WDR59: variants seen among roughly 807,000 people sequenced by gnomAD.
WDR59 encodes WD repeat domain 59.
Under a neutral mutation model 131.2 loss-of-function variants are expected in WDR59, and 100 were observed. The observed-to-expected ratio is 0.76, with a 90% confidence interval of 0.65 to 0.90. The LOEUF is 0.90. Among genes scored for constraint, WDR59 ranks in the 40% least tolerant of loss-of-function variants. The pLI, the probability that WDR59 is intolerant of heterozygous loss-of-function variation, is 0.00. For synonymous variants in WDR59, 601 were observed against 466.2 expected, an observed-to-expected ratio of 1.29 and a Z score of -3.72; for missense variants, 1,203 against 1,262.2, an observed-to-expected ratio of 0.95 and a Z score of 0.71.
chr16:74,935,569 A>C (rs1307089036), intron 8 of WDR59, among the ~76,000 whole-genome samples: 2 of 151,980 alleles, frequency 1.3e-5, no homozygotes, highest in Non-Finnish European at 2.9e-5. Flanking sequence ...AAAATAATTA[A>C]TATAAATTAT....
intron 18 of WDR59, among the ~76,000 whole-genome samples, chr16:74,895,412 A>G (rs987667314): frequency 6.6e-6 from 1 of 151,972 alleles, no homozygotes; most frequent in Non-Finnish European, 1.5e-5. Flanking sequence ...ACAGGCATGC[A>G]CCATCATACT....
At chr16:74,908,797 A>T in intron 17 of WDR59, 111 bp downstream of exon 17, 1 of 732,708 alleles carries the variant, frequency 1.4e-6, no homozygotes, top group Non-Finnish European at 2.3e-6. Context: ...ATGGGAGTTT[A>T]CTGAAGAACT....
chr16:74,941,732 A>C (rs1597761260), intron 7 of WDR59, among the ~76,000 whole-genome samples: 1 of 151,296 alleles, frequency 6.6e-6, no homozygotes, highest in South Asian at 2.1e-4. Context: ...CCCAACCTCT[A>C]TGAAATCACC....
At position 74,985,088 on chromosome 16, in the gene WDR59, G is replaced by A. The variant is rs1810131627; in HGVS notation, c.-71C>T. The A allele has an allele frequency of 7.0e-7, 1 of 1,421,010 alleles. No individual in the cohort carries two copies. Among genetic ancestry groups the A allele is most frequent in the Non-Finnish European group, 9.6e-7 (1 of 1,037,290 alleles). 88.0% of individuals were successfully genotyped at this position (1,421,010 alleles called of 1,614,324 possible). ...CCGCCGTCCCCAGTATCCCGGGACC[G>A]TGCGCCCCACACAGCCAGAGAATCA... On this transcript the variant is annotated 5_prime_UTR_variant, in exon 1 of 26. It adds an upstream start codon to the 5' untranslated region. Coordinates refer to ENST00000262144, the MANE Select transcript of WDR59 (RefSeq NM_030581.4).
chr16:74,960,138 T>C (rs974552101), intron 2 of WDR59, among the ~76,000 whole-genome samples: 25 of 151,524 alleles, frequency 1.6e-4, no homozygotes, highest in African/African-American at 6.0e-4. Flanking sequence ...GAGACCAGCC[T>C]GGGCAAAACG....
chr16:74,953,056 C>A (rs1176022654), intron 3 of WDR59, among the ~76,000 whole-genome samples: 1 of 152,122 alleles, frequency 6.6e-6, no homozygotes, highest in African/African-American at 2.4e-5. Flanking sequence ...CAGCGGGTAT[C>A]ATCACCCACA....
chr16:74,913,801 C>A (rs1279932307), intron 13 of WDR59, among the ~76,000 whole-genome samples: 1 of 152,142 alleles, frequency 6.6e-6, no homozygotes, highest in Non-Finnish European at 1.5e-5. Flanking sequence ...AGTGACTGCT[C>A]ATGGGTATGG....
At chr16:74,899,984 A>G (rs1361141511) in intron 18 of WDR59, among the ~76,000 whole-genome samples, 1 of 152,042 alleles carries the variant, frequency 6.6e-6, no homozygotes, top group Non-Finnish European at 1.5e-5. Context: ...CACAGCTTCA[A>G]TTTCATTGTT....
At chr16:74,982,429 C>A (rs180692240) in intron 1 of WDR59, among the ~76,000 whole-genome samples, 1 of 152,272 alleles carries the variant, frequency 6.6e-6, no homozygotes, top group East Asian at 1.9e-4. Context: ...GTGACAACTG[C>A]TGTTGAGGTT....
At chr16:74,927,805 G>A (rs1418346689) in intron 8 of WDR59, among the ~76,000 whole-genome samples, 1 of 150,578 alleles carries the variant, frequency 6.6e-6, no homozygotes, top group African/African-American at 2.4e-5. Context: ...TCAAAAGATC[G>A]TTTCCATGTC....
At chr16:74,920,277 T>C (rs577984562) in intron 10 of WDR59, among the ~76,000 whole-genome samples, 1 of 152,308 alleles carries the variant, frequency 6.6e-6, no homozygotes, top group Admixed American at 6.5e-5. Flanking sequence ...TTCAACACTT[T>C]TTTTTATAAA....
intron 17 of WDR59, among the ~76,000 whole-genome samples, chr16:74,907,545 A>G (rs1965876084): frequency 6.6e-6 from 1 of 152,212 alleles, no homozygotes; most frequent in Non-Finnish European, 1.5e-5. Flanking sequence ...GCCATGTGGA[A>G]TTGTGAGTCA....
At chr16:74,896,978 C>T (rs748808978) in intron 18 of WDR59, among the ~76,000 whole-genome samples, 2 of 152,186 alleles carry the variant, frequency 1.3e-5, no homozygotes, top group Non-Finnish European at 2.9e-5. Flanking sequence ...CTGCTAAGCT[C>T]ATTCTTGTTA....
intron 18 of WDR59, among the ~76,000 whole-genome samples, chr16:74,897,312 T>C (rs1395747925): frequency 2.0e-5 from 3 of 152,166 alleles, no homozygotes; most frequent in African/African-American, 7.2e-5. Flanking sequence ...CACCTCACAG[T>C]GTTTAGGCTT....
chr16:74,965,705 T>C (rs1470381464), intron 2 of WDR59, 68 bp downstream of exon 2: 5 of 1,580,100 alleles, frequency 3.2e-6, no homozygotes, highest in Middle Eastern at 1.7e-4. Flanking sequence ...GCTTCCAAGT[T>C]CCCAGAAACC....
chr16:74,872,828 G>T lies in WDR59; in HGVS notation c.*1381C>A. ...GGCTCACTGCAGCCTCAACCTCCTG[G>T]ACTCAAGTGATCCTCCCACCTCGGC... On this transcript the variant is annotated 3_prime_UTR_variant, in exon 26 of 26. Transcript: ENST00000262144. The T allele has an allele frequency of 6.6e-6, 1 of 151,704 alleles. No individual in the cohort carries two copies. Among genetic ancestry groups the T allele is most frequent in the South Asian group, 2.1e-4 (1 of 4,730 alleles). 9.4% of individuals were successfully genotyped at this position (151,704 alleles called of 1,614,324 possible). A position where few individuals can be genotyped will look rare whatever the true frequency, so the allele number is the denominator to read the frequency against.
At chr16:74,954,440 A>G (rs1204236250) in intron 3 of WDR59, among the ~76,000 whole-genome samples, 1 of 152,202 alleles carries the variant, frequency 6.6e-6, no homozygotes, top group Non-Finnish European at 1.5e-5. Flanking sequence ...ATAACAAAGT[A>G]CCACCTCACA....
chr16:74,893,567 G>T, intron 19 of WDR59, 112 bp downstream of exon 19: 1 of 1,189,024 alleles, frequency 8.4e-7, no homozygotes. Flanking sequence ...TAATACATTG[G>T]GCTTTTCCTA....
chr16:74,964,362 A>G (rs1167266562), intron 2 of WDR59, among the ~76,000 whole-genome samples: 1 of 142,102 alleles, frequency 7.0e-6, no homozygotes, highest in African/African-American at 2.7e-5. Context: ...CTGGGCAACA[A>G]GAGCGAAACA....
Sources: gnomAD v4.1 joint callset for allele counts (sites outside exome capture counted in the v4.1 genomes callset) on GRCh38, gnomAD v4.1.1 for gene constraint, MANE v1.5 for transcripts, NCBI Gene and HGNC (gene_info 2026-07-23, HGNC 2026-07-21) for gene names.